PTPRT: variants seen among roughly 807,000 people sequenced by gnomAD.
PTPRT encodes protein tyrosine phosphatase receptor type T, also known as receptor-type tyrosine-protein phosphatase T.
PTPRT carries 56 observed loss-of-function variants against 176.8 expected under a neutral mutation model. The ratio of observed to expected loss-of-function variants is 0.32; its 90% CI spans 0.26 to 0.40. The LOEUF (loss-of-function observed/expected upper bound fraction) is 0.40, where lower values mean the gene tolerates loss of function less well. Among genes scored for constraint, PTPRT ranks in the 10% least tolerant of loss-of-function variants. The pLI is 1.00. For synonymous variants in PTPRT, 783 were observed against 739.0 expected, an observed-to-expected ratio of 1.06 and a Z score of -0.96; for missense variants, 1,540 against 1,908.2, an observed-to-expected ratio of 0.81 and a Z score of 3.60.
chr20:42,822,981 A>G (rs1218987343), intron 2 of PTPRT, among the ~76,000 whole-genome samples: 1 of 152,158 alleles, frequency 6.6e-6, no homozygotes, highest in Non-Finnish European at 1.5e-5. Context: ...CAGTATGGCA[A>G]TTCCTCAAGG....
intron 9 of PTPRT, among the ~76,000 whole-genome samples, chr20:42,398,046 A>G (rs2058868338): frequency 6.6e-6 from 1 of 152,176 alleles, no homozygotes; most frequent in African/African-American, 2.4e-5. Flanking sequence ...TGTAGTTAAC[A>G]TACTTTGTAT....
intron 1 of PTPRT, among the ~76,000 whole-genome samples, chr20:43,147,498 T>C (rs1318910753): frequency 6.6e-6 from 1 of 152,182 alleles, no homozygotes; most frequent in South Asian, 2.1e-4. Flanking sequence ...TGGAAGCCCC[T>C]GTGCCCAGAG....
At position 42,935,147 on chromosome 20, in the gene PTPRT, A is replaced by ATTTT. The variant is rs57178522; in HGVS notation, c.89-49219_89-49216dup. The stretch of plus-strand genomic sequence containing the variant: ...AGGGCGTCTCATTGCTTTTGCCATA[A>ATTTT]TTTTTTTTTTTTTTTTTTTTTTTTT... On this transcript the variant is annotated intron_variant, in intron 1 of 30. Transcript: ENST00000373187. 9.2e-4 allele frequency among the ~76,000 whole-genome samples: 39 copies of ATTTT among 42,164 alleles called. 2 individuals carry two copies. Among genetic ancestry groups the ATTTT allele is most frequent in the Non-Finnish European group, 1.5e-3 (36 of 23,696 alleles). 27.7% of individuals were successfully genotyped at this position (42,164 alleles called of 152,430 possible).
At chr20:42,568,981 G>A (rs1236789185) in intron 7 of PTPRT, among the ~76,000 whole-genome samples, 1 of 143,562 alleles carries the variant, frequency 7.0e-6, no homozygotes, top group African/African-American at 2.6e-5. Context: ...CCGGGAGGTG[G>A]AGGTTGCAGT....
At chr20:42,255,585 T>A (rs1032653436) in intron 13 of PTPRT, among the ~76,000 whole-genome samples, 2 of 152,222 alleles carry the variant, frequency 1.3e-5, no homozygotes, top group African/African-American at 2.4e-5. Context: ...AAGGCCCATA[T>A]CAGGCTTGCA....
chr20:42,239,906 A>C (rs554488773), intron 14 of PTPRT, among the ~76,000 whole-genome samples: 2 of 152,320 alleles, frequency 1.3e-5, no homozygotes, highest in African/African-American at 4.8e-5. Context: ...TAAGATTATA[A>C]GTCCATGCCT....
At chr20:42,045,204 C>A in the PTPRT span, among the ~76,000 whole-genome samples, 43 of 152,090 alleles carry the variant, frequency 2.8e-4, 1 homozygote, top group Admixed American at 1.2e-3. Context: ...GACATAGACA[C>A]CTTTGGGAGG....
chr20:43,025,802 TGAGGTGATCCATCCCCAGA>T (rs1429627765), intron 1 of PTPRT, among the ~76,000 whole-genome samples: 1 of 152,170 alleles, frequency 6.6e-6, no homozygotes, highest in East Asian at 1.9e-4. Flanking sequence ...TAATCTTCTG[TGAGGTGATCCATCCCCAGA>T]GCTTCAGTAT....
chr20:42,695,695 T>C (rs751435569), intron 6 of PTPRT, among the ~76,000 whole-genome samples: 47 of 152,326 alleles, frequency 3.1e-4, no homozygotes, highest in Middle Eastern at 3.4e-3. Context: ...AGGAAGAAGA[T>C]GGGATCACTA....
chr20:42,567,395 T>G (rs527813576), intron 7 of PTPRT, among the ~76,000 whole-genome samples: 2 of 152,294 alleles, frequency 1.3e-5, no homozygotes, highest in South Asian at 4.1e-4. Flanking sequence ...CCCTAACAAA[T>G]GCACTTCTCT....
At chr20:42,932,961 C>T (rs1467831100) in intron 1 of PTPRT, among the ~76,000 whole-genome samples, 1 of 152,192 alleles carries the variant, frequency 6.6e-6, no homozygotes, top group Non-Finnish European at 1.5e-5. Flanking sequence ...ATTCTCACCT[C>T]TTCCAACCTC....
At chr20:42,296,535 T>G (rs144742644) in intron 12 of PTPRT, among the ~76,000 whole-genome samples, 137 of 151,848 alleles carry the variant, frequency 9.0e-4, no homozygotes, top group African/African-American at 3.0e-3. Context: ...CAAATGAAAT[T>G]TTAAAATAAA....
Position 42,677,865 on chromosome 20 carries a change from C to A in PTPRT, c.1153+1G>T. 6.2e-7 allele frequency: 1 copy of A among 1,606,064 alleles called. No individual in the cohort carries two copies. Among genetic ancestry groups the A allele is most frequent in the Non-Finnish European group, 8.5e-7 (1 of 1,176,756 alleles). ...GAGCCTGGGAAAAAAAAAAATCTTA[C>A]CTGCACACTTGGTCCTGGTGGTGAG... On this transcript the variant is annotated splice_donor_variant, in intron 7 of 30. Coordinates refer to ENST00000373187, the MANE Select transcript of PTPRT (RefSeq NM_007050.6). LOFTEE classifies it high-confidence loss of function.
intron 7 of PTPRT, among the ~76,000 whole-genome samples, chr20:42,621,225 C>T (rs952502688): frequency 6.6e-6 from 1 of 152,172 alleles, no homozygotes; most frequent in Non-Finnish European, 1.5e-5. Context: ...ATCGCCTGCC[C>T]TCCAGCTCCT....
intron 7 of PTPRT, among the ~76,000 whole-genome samples, chr20:42,667,144 T>A (rs1053965538): frequency 1.3e-5 from 2 of 152,230 alleles, no homozygotes; most frequent in African/African-American, 2.4e-5. Flanking sequence ...TTTTCATCAG[T>A]GTATTCCTGG....
At chr20:42,388,326 G>C (rs1421412286) in intron 9 of PTPRT, among the ~76,000 whole-genome samples, 2 of 152,190 alleles carry the variant, frequency 1.3e-5, no homozygotes, top group African/African-American at 4.8e-5. Flanking sequence ...ACTATCATCA[G>C]AGTGAACAGG....
intron 7 of PTPRT, among the ~76,000 whole-genome samples, chr20:42,663,268 T>C (rs1029370491): frequency 2.6e-5 from 4 of 152,036 alleles, no homozygotes; most frequent in Non-Finnish European, 5.9e-5. Flanking sequence ...TGAGAAGACT[T>C]TGCTGCACCT....
intron 1 of PTPRT, among the ~76,000 whole-genome samples, chr20:42,892,971 C>T (rs1362451159): frequency 6.6e-6 from 1 of 152,100 alleles, no homozygotes; most frequent in Non-Finnish European, 1.5e-5. Flanking sequence ...TTGGGCTTCT[C>T]CTGGGGGCCA....
At chr20:42,690,565 AC>A (rs1569086997) in intron 6 of PTPRT, among the ~76,000 whole-genome samples, 1 of 151,992 alleles carries the variant, frequency 6.6e-6, no homozygotes. Flanking sequence ...TCTCCCCTTG[AC>A]CTCCACAATG....
Sources: allele counts gnomAD v4.1 joint callset (sites outside exome capture counted in the v4.1 genomes callset), GRCh38; gene constraint gnomAD v4.1.1; transcripts MANE v1.5; gene names NCBI Gene and HGNC (gene_info 2026-07-23, HGNC 2026-07-21).